The following TIMM29 variants were observed in gnomAD, a reference collection of about 807,000 sequenced individuals.
TIMM29 encodes translocase of inner mitochondrial membrane 29.
TIMM29 carries 23 observed loss-of-function variants against 19.5 expected under a neutral mutation model. That is an observed-to-expected ratio of 1.18 (90% confidence interval 0.85 to 1.67). The LOEUF is 1.67. Among genes scored for constraint, TIMM29 ranks in the 40% most tolerant of loss-of-function variants. TIMM29 has a pLI of 0.00. For synonymous variants in TIMM29, 209 were observed against 185.0 expected (o/e 1.13, Z -1.05); for missense variants, 404 against 384.7 (o/e 1.05, Z -0.42).
At position 10,929,438 on chromosome 19, in the gene TIMM29, G is replaced by A. The variant is rs750389431; in HGVS notation, c.519G>A (p.Trp173Ter). ...VLDVGFVGRW[W>*]VLGAWMRDCD... ...ACGTGGGCTTCGTGGGTCGCTGGTG[G>A]GTGCTGGGGGCCTGGATGCGCGACT... The change falls in exon 2 of 2, where the codon TGG (tryptophan) becomes TGA (stop). Residue 173 changes from tryptophan (W) to a stop codon, truncating the protein, a stop_gained. Coordinates refer to ENST00000270502, the MANE Select transcript of TIMM29 (RefSeq NM_138358.4). LOFTEE classifies it high-confidence loss of function. 2 of 1,612,420 alleles carry A rather than the reference G, an allele frequency of 1.2e-6. No individual in the cohort carries two copies. The highest frequency in any genetic ancestry group is 4.5e-5 in the East Asian group (2 of 44,872).
Position 10,929,099 on chromosome 19 carries a change from C to T in TIMM29, c.180C>T (p.Ala60=), listed in dbSNP as rs1042131862. 1.4e-6 allele frequency: 2 copies of T among 1,457,482 alleles called. No individual in the cohort carries two copies. Among genetic ancestry groups the T allele is most frequent in the Admixed American group, 2.7e-5 (1 of 36,414 alleles). 90.3% of individuals were successfully genotyped at this position (1,457,482 alleles called of 1,614,324 possible). A position where few individuals can be genotyped will look rare whatever the true frequency, so the allele number is the denominator to read the frequency against. Residue 60 remains alanine, a synonymous_variant, in exon 2 of 2, where the codon GCC becomes GCT. Coordinates refer to ENST00000270502, the MANE Select transcript of TIMM29 (RefSeq NM_138358.4). ...AGGCTAGGGCCCGGCCGGGGCGCGC[C>T]GCTGTGTATGTGGGTCTGCTGGGCG... The part of the protein sequence containing the change: ...SAEARARPGR[A]AVYVGLLGGA...
Position 10,929,379 on chromosome 19 carries a change from C to A in TIMM29, c.460C>A (p.Pro154Thr). The change falls in exon 2 of 2, where the codon CCC (proline) becomes ACC (threonine). Residue 154 changes from proline (P) to threonine (T), a missense_variant. Coordinates refer to ENST00000270502, the MANE Select transcript of TIMM29 (RefSeq NM_138358.4). ...LYQARCRYLQPRWTDFPGRVL... is the reference protein window; with the variant it reads ...LYQARCRYLQTRWTDFPGRVL... The stretch of plus-strand genomic sequence containing the variant: ...CCAGGCGCGTTGCCGCTACCTGCAG[C>A]CCCGCTGGACCGACTTCCCCGGCCG... The A allele has an allele frequency of 6.2e-7, 1 of 1,602,030 alleles. No individual in the cohort carries two copies. The highest frequency in any genetic ancestry group is 8.5e-7 in the Non-Finnish European group (1 of 1,176,590).
Position 10,929,406 on chromosome 19 carries a change from G to C in TIMM29, c.487G>C (p.Val163Leu). Residue 163 changes from valine to leucine, a missense_variant, in exon 2 of 2, where the codon GTC becomes CTC. Transcript: ENST00000270502. Reference protein sequence around the residue: ...QPRWTDFPGRVLDVGFVGRWW... With the variant: ...QPRWTDFPGRLLDVGFVGRWW... ...CCGCTGGACCGACTTCCCCGGCCGGGTCCTGGACGTGGGCTTCGTGGGTCG... is the reference window on the plus strand; with the variant it reads ...CCGCTGGACCGACTTCCCCGGCCGGCTCCTGGACGTGGGCTTCGTGGGTCG... The C allele has an allele frequency of 6.2e-7, 1 of 1,610,226 alleles. No individual in the cohort carries two copies.
At position 10,929,745 on chromosome 19, in the gene TIMM29, T is replaced by G; in HGVS notation, c.*43T>G. 6.5e-7 allele frequency: 1 copy of G among 1,526,954 alleles called. No homozygotes were observed. Among genetic ancestry groups the G allele is most frequent in the Admixed American group, 2.0e-5 (1 of 49,822 alleles). The allele number at this position is 1,526,954 out of a possible 1,614,324, so 94.6% of individuals were successfully genotyped here. A position where few individuals can be genotyped will look rare whatever the true frequency, so the allele number is the denominator to read the frequency against. ...GTCCTGGCAAACTGCTTGCCTGGGG[T>G]GGTGCAGTTCTGAGTGTGCCTCACC... On this transcript the variant is annotated 3_prime_UTR_variant, in exon 2 of 2. Coordinates refer to ENST00000270502, the MANE Select transcript of TIMM29 (RefSeq NM_138358.4).
Position 10,929,339 on chromosome 19 carries a change from C to T in TIMM29, c.420C>T (p.Ala140=). The T allele has an allele frequency of 6.4e-7, 1 of 1,572,602 alleles. No individual in the cohort carries two copies. Among genetic ancestry groups the T allele is most frequent in the Non-Finnish European group, 8.6e-7 (1 of 1,164,254 alleles). ...CSLVYEAPFD[A]QASLYQARCR... ...TGGTGTACGAGGCGCCCTTCGACGC[C>T]CAGGCCAGCCTCTACCAGGCGCGTT... Residue 140 remains alanine, a synonymous_variant, in exon 2 of 2, where the codon GCC becomes GCT. Coordinates refer to ENST00000270502, the MANE Select transcript of TIMM29 (RefSeq NM_138358.4).
Position 10,929,355 on chromosome 19 carries a change from C to T in TIMM29, c.436C>T (p.Gln146Ter). 6.3e-7 allele frequency: 1 copy of T among 1,587,454 alleles called. No individual in the cohort carries two copies. The highest frequency in any genetic ancestry group is 8.5e-7 in the Non-Finnish European group (1 of 1,170,942). ...CTTCGACGCCCAGGCCAGCCTCTAC[C>T]AGGCGCGTTGCCGCTACCTGCAGCC... The part of the protein sequence containing the change: ...APFDAQASLY[Q>*]ARCRYLQPRW... Residue 146 changes from glutamine to a stop codon, truncating the protein, a stop_gained, in exon 2 of 2, where the codon CAG (glutamine) becomes TAG (stop). Transcript: ENST00000270502. LOFTEE classifies it high-confidence loss of function.
chr19:10,929,704 A>ACCCTGAGGC lies in TIMM29; in HGVS notation c.*6_*14dup, dbSNP rs1461463810. 6.3e-7 allele frequency: 1 copy of ACCCTGAGGC among 1,588,704 alleles called. No individual in the cohort carries two copies. The highest frequency in any genetic ancestry group is 8.6e-7 in the Non-Finnish European group (1 of 1,166,522). On this transcript the variant is annotated 3_prime_UTR_variant, in exon 2 of 2. Transcript: ENST00000270502. ...GTGCAGGCGGAGGCCCCGAGATGAA[A>ACCCTGAGGC]CCCTGAGGCCCCCGAGTCCTGGCAA... is the stretch of plus-strand genomic sequence containing the variant.
intron 1 of TIMM29, 21 bp downstream of exon 1, chr19:10,928,937 G>A (rs1297596904): frequency 1.3e-6 from 2 of 1,500,140 alleles, no homozygotes; most frequent in Non-Finnish European, 1.8e-6. Flanking sequence ...GCGGAAGGCG[G>A]CAGGGTGGGT....
chr19:10,929,959 C>A lies in TIMM29; in HGVS notation c.*257C>A. 1 of 499,438 alleles carries A rather than the reference C, an allele frequency of 2.0e-6. No homozygotes were observed. 30.9% of individuals were successfully genotyped at this position (499,438 alleles called of 1,614,324 possible). On this transcript the variant is annotated 3_prime_UTR_variant, in exon 2 of 2. Transcript: ENST00000270502. Reference sequence around the variant, plus strand: ...CATCACTGGCAGAGCTGGTCATGAGCCTTTTATATAAGCCTTTTTCATCGG... The same window carrying A: ...CATCACTGGCAGAGCTGGTCATGAGACTTTTATATAAGCCTTTTTCATCGG...
At position 10,930,018 on chromosome 19, in the gene TIMM29, T is replaced by G. The variant is rs2083482438; in HGVS notation, c.*316T>G. ...GGCCCTCCTTAAGGAGGTACCACAT[T>G]GGTCAGCTGACTTGCAAACTCTTCT... On this transcript the variant is annotated 3_prime_UTR_variant, in exon 2 of 2. Coordinates refer to ENST00000270502, the MANE Select transcript of TIMM29 (RefSeq NM_138358.4). The G allele has an allele frequency of 3.8e-6, 1 of 264,506 alleles. No homozygotes were observed. The highest frequency in any genetic ancestry group is 7.2e-6 in the Non-Finnish European group (1 of 138,874). The allele number at this position is 264,506 out of a possible 1,614,324, so 16.4% of individuals were successfully genotyped here.
Position 10,929,587 on chromosome 19 carries a change from C to T in TIMM29, c.668C>T (p.Thr223Ile), listed in dbSNP as rs117203028. ...GAGAAGTACAAGCCTGTCGTGCTCA[C>T]CGACGATCAGGTGGACCAGGCGCTG... ...FDEKYKPVVL[T>I]DDQVDQALWE... The change falls in exon 2 of 2, where the codon ACC becomes ATC. Residue 223 changes from threonine (T) to isoleucine (I), a missense_variant. By Grantham distance (89) the Thr-to-Ile change is moderately conservative. Transcript: ENST00000270502. 302 of 1,613,092 alleles carry T rather than the reference C, an allele frequency of 1.9e-4. 3 individuals are homozygous for T. In the East Asian group the frequency reaches 4.9e-3, roughly 26 times the overall value.
Position 10,929,580 on chromosome 19 carries a change from G to A in TIMM29, c.661G>A (p.Val221Met), listed in dbSNP as rs150842814. The A allele has an allele frequency of 9.2e-5, 148 of 1,612,954 alleles. No individual in the cohort carries two copies. The highest frequency in any genetic ancestry group is 4.9e-4 in the Middle Eastern group (3 of 6,084). The part of the protein sequence containing the change: ...RLFDEKYKPV[V>M]LTDDQVDQAL... Reference sequence around the variant, plus strand: ...CTTCGATGAGAAGTACAAGCCTGTCGTGCTCACCGACGATCAGGTGGACCA... The same window carrying A: ...CTTCGATGAGAAGTACAAGCCTGTCATGCTCACCGACGATCAGGTGGACCA... The change falls in exon 2 of 2, where the codon GTG becomes ATG. Residue 221 changes from valine to methionine, a missense_variant. Physicochemically the swap from Val to Met is conservative, Grantham distance 21. Coordinates refer to ENST00000270502, the MANE Select transcript of TIMM29 (RefSeq NM_138358.4).
intron 1 of TIMM29, 23 bp downstream of exon 1, chr19:10,928,939 A>G (rs1344952378): frequency 3.3e-6 from 5 of 1,494,134 alleles, no homozygotes; most frequent in Non-Finnish European, 4.4e-6. Context: ...GGAAGGCGGC[A>G]GGGTGGGTGG....
chr19:10,928,983 G>T (rs768822045), intron 1 of TIMM29, 31 bp from the exon 2 acceptor site: 15 of 1,465,454 alleles, frequency 1.0e-5, no homozygotes, highest in Non-Finnish European at 1.3e-5. Context: ...GCCGCGGCCG[G>T]ATCACTCTTA....
At position 10,928,937 on chromosome 19, in the gene TIMM29, GCAGGGTGGGTGGCCGCCGCGA is replaced by G. The variant is rs775027123; in HGVS notation, c.94+42_95-36del. On this transcript the variant is annotated intron_variant, in intron 1 of 1. Coordinates refer to ENST00000270502, the MANE Select transcript of TIMM29 (RefSeq NM_138358.4). ...GCTGGGTGAGTAGCGGCGGAAGGCG[GCAGGGTGGGTGGCCGCCGCGA>G]CAGGGTGGGTGGCCGCCGCGGCCGG... 487 of 1,500,124 alleles carry G rather than the reference GCAGGGTGGGTGGCCGCCGCGA, an allele frequency of 3.2e-4. 3 individuals are homozygous for G. The highest frequency in any genetic ancestry group is 1.4e-3 in the South Asian group (113 of 80,574). The allele number at this position is 1,500,124 out of a possible 1,614,324, so 92.9% of individuals were successfully genotyped here. A position where few individuals can be genotyped will look rare whatever the true frequency, so the allele number is the denominator to read the frequency against.
At position 10,929,036 on chromosome 19, in the gene TIMM29, C is replaced by T. The variant is rs773960098; in HGVS notation, c.117C>T (p.Leu39=). The T allele has an allele frequency of 3.4e-6, 5 of 1,465,180 alleles. No individual in the cohort carries two copies. In the Admixed American group the frequency reaches 1.4e-4, roughly 40 times the overall value. 90.8% of individuals were successfully genotyped at this position (1,465,180 alleles called of 1,614,324 possible). A position where few individuals can be genotyped will look rare whatever the true frequency, so the allele number is the denominator to read the frequency against. ...CAGGGTCCTGGGCCCGCGCGCTGCT[C>T]CGGGACTACGCCGAGGCCTGCAGGG... The part of the protein sequence containing the change: ...ARLGSWARAL[L]RDYAEACRDA... Residue 39 remains leucine, a synonymous_variant, in exon 2 of 2, where the codon CTC becomes CTT. Transcript: ENST00000270502.
Position 10,929,555 on chromosome 19 carries a change from C to T in TIMM29, c.636C>T (p.Leu212=), listed in dbSNP as rs767040521. Reference sequence around the variant, plus strand: ...TGCATTCCGAGACCAACGAGCGGCTCTTCGATGAGAAGTACAAGCCTGTCG... The same window carrying T: ...TGCATTCCGAGACCAACGAGCGGCTTTTCGATGAGAAGTACAAGCCTGTCG... ...QQLHSETNER[L]FDEKYKPVVL... is the part of the protein sequence containing the mutation. The change falls in exon 2 of 2, where the codon CTC becomes CTT. Residue 212 remains leucine (L), a synonymous_variant. Transcript: ENST00000270502. The T allele has an allele frequency of 1.9e-6, 3 of 1,612,926 alleles. No homozygotes were observed. In the African/African-American group the frequency reaches 4.0e-5, roughly 22 times the overall value.
chr19:10,929,513 G>A lies in TIMM29; in HGVS notation c.594G>A (p.Val198=), dbSNP rs371039420. The part of the protein sequence containing the change: ...EFLHLPAHLR[V]VGPQQLHSET... The stretch of plus-strand genomic sequence containing the variant: ...TGCACCTGCCGGCGCATTTGCGGGT[G>A]GTCGGGCCCCAGCAGCTGCATTCCG... Residue 198 remains valine (V), a synonymous_variant, in exon 2 of 2, where the codon GTG becomes GTA. Coordinates refer to ENST00000270502, the MANE Select transcript of TIMM29 (RefSeq NM_138358.4). 1 of 1,613,104 alleles carries A rather than the reference G, an allele frequency of 6.2e-7. No homozygotes were observed. The highest frequency in any genetic ancestry group is 1.1e-5 in the South Asian group (1 of 91,084).
In TIMM29 at chr19:10,929,404, G is replaced by A. The variant is rs927398022; in HGVS notation, c.485G>A (p.Arg162Gln). ...LQPRWTDFPG[R>Q]VLDVGFVGRW... Reference sequence around the variant, plus strand: ...CCCCGCTGGACCGACTTCCCCGGCCGGGTCCTGGACGTGGGCTTCGTGGGT... The same window carrying A: ...CCCCGCTGGACCGACTTCCCCGGCCAGGTCCTGGACGTGGGCTTCGTGGGT... Residue 162 changes from arginine (R) to glutamine (Q), a missense_variant, in exon 2 of 2, where the codon CGG (arginine) becomes CAG (glutamine). Transcript: ENST00000270502. 3 of 1,609,328 alleles carry A rather than the reference G, an allele frequency of 1.9e-6. No homozygotes were observed. Among genetic ancestry groups the A allele is most frequent in the Non-Finnish European group, 2.5e-6 (3 of 1,178,740 alleles).
Sources: gnomAD v4.1 joint callset for allele counts on GRCh38, gnomAD v4.1.1 for gene constraint, MANE v1.5 for transcripts, NCBI Gene and HGNC (gene_info 2026-07-23, HGNC 2026-07-21) for gene names.